Variants in CTNNA2 observed in about 807,000 individuals in gnomAD.
The protein encoded by CTNNA2 is catenin alpha-2.
CTNNA2 carries 42 observed loss-of-function variants against 101.0 expected under a neutral mutation model. The observed-to-expected ratio is 0.42, with a 90% CI of 0.32 to 0.54. The LOEUF (loss-of-function observed/expected upper bound fraction) is 0.54, where lower values mean the gene tolerates loss of function less well. Ranked by LOEUF, CTNNA2 falls within the 20% of genes least tolerant of loss-of-function variation. The probability of loss-of-function intolerance (pLI) is 0.14; values close to 1 mark genes in which losing one functional copy is unlikely to be tolerated. For missense variants in CTNNA2, 871 were observed against 1,223.1 expected, an observed-to-expected ratio of 0.71 and a Z score of 4.29; for synonymous variants, 450 against 456.4, an observed-to-expected ratio of 0.99 and a Z score of 0.18.
intron 7 of CTNNA2, among the ~76,000 whole-genome samples, chr2:80,232,345 G>GTTTGTTTTTTTTTTTTTTT (rs1709286406): frequency 3.1e-5 from 2 of 64,828 alleles, no homozygotes; most frequent in Non-Finnish European, 5.1e-5. Flanking sequence ...TTGTTTGTTT[G>GTTTGTTTTTTTTTTTTTTT]TTTTTTTTTT....
chr2:79,388,839 A>G (rs1678136116), intron 4 of CTNNA2, among the ~76,000 whole-genome samples: 1 of 151,502 alleles, frequency 6.6e-6, no homozygotes, highest in African/African-American at 2.4e-5. Context: ...TAACATAAAC[A>G]CTTTAACAGG....
intron 7 of CTNNA2, among the ~76,000 whole-genome samples, chr2:80,171,620 G>C (rs1332924985): frequency 6.6e-6 from 1 of 152,142 alleles, no homozygotes; most frequent in African/African-American, 2.4e-5. Flanking sequence ...TTCCATTTTT[G>C]AGTCTAACAG....
intron 6 of CTNNA2, among the ~76,000 whole-genome samples, chr2:79,900,478 G>GGTCA (rs1277889376): frequency 1.3e-5 from 2 of 152,052 alleles, no homozygotes; most frequent in Admixed American, 1.3e-4. Flanking sequence ...CTTGGTAATG[G>GGTCA]GTCAACACAG....
chr2:79,747,632 A>G (rs1222024734), intron 3 of CTNNA2, among the ~76,000 whole-genome samples: 1 of 152,080 alleles, frequency 6.6e-6, no homozygotes, highest in African/African-American at 2.4e-5. Flanking sequence ...TAACGTTTTC[A>G]TTTTCTTGAA....
intron 2 of CTNNA2, among the ~76,000 whole-genome samples, chr2:79,734,281 A>G (rs1687379235): frequency 6.6e-6 from 1 of 152,066 alleles, no homozygotes; most frequent in Non-Finnish European, 1.5e-5. Context: ...AAGTGTAGAC[A>G]TTGAAAGTTG....
chr2:79,211,012 T>G (rs1287292183), intron 2 of CTNNA2, among the ~76,000 whole-genome samples: 1 of 152,196 alleles, frequency 6.6e-6, no homozygotes, highest in Admixed American at 6.5e-5. Flanking sequence ...TTCCACTTCC[T>G]GTCTACCTGA....
intron 7 of CTNNA2, among the ~76,000 whole-genome samples, chr2:80,214,572 C>G (rs111952622): frequency 1.3e-5 from 2 of 152,074 alleles, no homozygotes; most frequent in African/African-American, 4.8e-5. Context: ...GAGTTTCTGC[C>G]GAGAGATCAG....
chr2:79,999,656 T>C (rs563702), intron 7 of CTNNA2, among the ~76,000 whole-genome samples: 27,752 of 152,204 alleles, frequency 0.18, 2,657 homozygotes, highest in Middle Eastern at 0.29. Context: ...AGCCTTCCTC[T>C]GTCCATTCAT....
intron 7 of CTNNA2, among the ~76,000 whole-genome samples, chr2:80,216,034 G>C (rs1192373792): frequency 1.3e-5 from 2 of 152,202 alleles, no homozygotes; most frequent in Non-Finnish European, 2.9e-5. Context: ...AGTGAGCGAG[G>C]CTCCATGGGC....
intron 4 of CTNNA2, among the ~76,000 whole-genome samples, chr2:79,425,110 C>A (rs1276592986): frequency 6.6e-6 from 1 of 152,002 alleles, no homozygotes; most frequent in Non-Finnish European, 1.5e-5. Flanking sequence ...TGTGTAAAGG[C>A]AATAAAAAAT....
At position 79,966,424 on chromosome 2, in the gene CTNNA2, T is replaced by G. The variant is rs971383114; in HGVS notation, c.1056+56627T>G. Among the ~76,000 whole-genome samples, 5 of 152,106 alleles carry G rather than the reference T, an allele frequency of 3.3e-5. No homozygotes were observed. The East Asian group carries it at 9.7e-4, about 29-fold the overall frequency. On this transcript the variant is annotated intron_variant, in intron 7 of 18. Transcript: ENST00000402739. ...CTATTATTTTTATTTTTTGTAGAGA[T>G]AAAGTCTTTCTATGTTGTTTAGCCT...
chr2:79,772,500 T>A (rs1214706031), intron 3 of CTNNA2, among the ~76,000 whole-genome samples: 1 of 152,212 alleles, frequency 6.6e-6, no homozygotes, highest in Non-Finnish European at 1.5e-5. Flanking sequence ...CTCTCCCATC[T>A]TCAGCATGAG....
intron 17 of CTNNA2, among the ~76,000 whole-genome samples, chr2:80,616,004 A>G (rs1698821166): frequency 6.6e-6 from 1 of 151,646 alleles, no homozygotes; most frequent in African/African-American, 2.4e-5. Context: ...CAGACTTTTA[A>G]TCTTTTCTTT....
At chr2:80,606,392 ACACACACACACACACACACACC>A (rs1195201629) in intron 16 of CTNNA2, among the ~76,000 whole-genome samples, 88 of 118,326 alleles carry the variant, frequency 7.4e-4, no homozygotes, top group African/African-American at 2.6e-3. Flanking sequence ...ACACACACAC[ACACACACACACACACACACACC>A]CCCCAGGATA....
chr2:79,800,544 C>T (rs1676073790), intron 3 of CTNNA2, among the ~76,000 whole-genome samples: 1 of 152,150 alleles, frequency 6.6e-6, no homozygotes, highest in Non-Finnish European at 1.5e-5. Flanking sequence ...ACAGCAGCTC[C>T]TGTCTTGTGG....
Position 80,302,270 on chromosome 2 carries a change from G to A in CTNNA2, c.1057-90941G>A, listed in dbSNP as rs1232142726. The A allele has an allele frequency of 1.2e-6, 2 of 1,613,664 alleles. No homozygotes were observed. Among genetic ancestry groups the A allele is most frequent in the African/African-American group, 2.7e-5 (2 of 75,044 alleles). ...GGACAATCACACCTCGCATTCCCTC[G>A]CGGGCTGCTGGTGGCAGGTACACGA... is the stretch of plus-strand genomic sequence containing the variant. On this transcript the variant is annotated intron_variant, in intron 7 of 18. Coordinates refer to ENST00000402739, the MANE Select transcript of CTNNA2 (RefSeq NM_001282597.3). This position sits in a 1 kb window ranked among gnomAD's most constrained non-coding sequence, Gnocchi z 6.4.
intron 9 of CTNNA2, among the ~76,000 whole-genome samples, chr2:80,528,732 G>C (rs948096920): frequency 6.6e-6 from 1 of 152,158 alleles, no homozygotes; most frequent in Admixed American, 6.5e-5. Flanking sequence ...ATTCCAGAGA[G>C]GGCTTTTTTC....
At chr2:79,648,591 G>T (rs981813678) in intron 1 of CTNNA2, among the ~76,000 whole-genome samples, 1 of 152,104 alleles carries the variant, frequency 6.6e-6, no homozygotes, top group South Asian at 2.1e-4. Flanking sequence ...ACCAGCTGAG[G>T]TATCACAGGC....
At chr2:79,741,691 G>A (rs966856238) in intron 2 of CTNNA2, among the ~76,000 whole-genome samples, 23 of 151,970 alleles carry the variant, frequency 1.5e-4, no homozygotes, top group African/African-American at 4.8e-4. Context: ...TATTGTTTAT[G>A]TTGTATTTAG....
Sources: gnomAD v4.1 joint callset for allele counts (sites outside exome capture counted in the v4.1 genomes callset) on GRCh38, gnomAD v4.1.1 for gene constraint, Gnocchi (gnomAD v3.1) non-coding constraint, MANE v1.5 for transcripts, NCBI Gene and HGNC (gene_info 2026-07-23, HGNC 2026-07-21) for gene names.